CPQ: variants seen among roughly 807,000 people sequenced by gnomAD.
The protein encoded by CPQ is carboxypeptidase Q, also known as Ser-Met dipeptidase.
A neutral mutation model predicts 45.7 loss-of-function variants in CPQ; 37 were observed. The observed-to-expected ratio is 0.81, with a 90% CI of 0.62 to 1.07. CPQ has a LOEUF of 1.07. Among genes scored for constraint, CPQ ranks in the 50% least tolerant of loss-of-function variants. CPQ has a pLI of 0.00. For synonymous variants in CPQ, 186 were observed against 205.8 expected (o/e 0.90, Z 0.82); for missense variants, 537 against 572.9 (o/e 0.94, Z 0.64).
chr8:96,752,943 A>G (rs1373269846), intron 1 of CPQ, among the ~76,000 whole-genome samples: 1 of 152,082 alleles, frequency 6.6e-6, no homozygotes, highest in African/African-American at 2.4e-5. Context: ...TCATTCCACC[A>G]TTTTATTCTG....
chr8:96,912,219 T>G (rs141839463), intron 4 of CPQ, among the ~76,000 whole-genome samples: 288 of 152,322 alleles, frequency 1.9e-3, no homozygotes, highest in African/African-American at 6.6e-3. Context: ...TGAAAGAGAT[T>G]AGAAATGTTA....
At chr8:96,695,683 T>C (rs978153081) in intron 1 of CPQ, among the ~76,000 whole-genome samples, 18 of 151,598 alleles carry the variant, frequency 1.2e-4, no homozygotes, top group African/African-American at 4.1e-4. Context: ...AAAAAACACA[T>C]GAAAAAATGC....
intron 1 of CPQ, among the ~76,000 whole-genome samples, chr8:96,783,095 C>T (rs74421902): frequency 0.09 from 13,680 of 152,208 alleles, 832 homozygotes; most frequent in African/African-American, 0.17. Context: ...CTTTCCAGAA[C>T]TTCCCTTAAT....
intron 4 of CPQ, among the ~76,000 whole-genome samples, chr8:96,897,899 A>G (rs1197098372): frequency 6.6e-6 from 1 of 152,196 alleles, no homozygotes; most frequent in African/African-American, 2.4e-5. Context: ...TTTGCATACC[A>G]TGCCGAAGAA....
chr8:96,672,905 T>C (rs1809026317), intron 1 of CPQ, among the ~76,000 whole-genome samples: 1 of 152,114 alleles, frequency 6.6e-6, no homozygotes, highest in South Asian at 2.1e-4. Context: ...ATATAGTGTT[T>C]AATGGTGAGG....
intron 7 of CPQ, among the ~76,000 whole-genome samples, chr8:97,130,420 G>GTTTT (rs67911510): frequency 8.0e-6 from 1 of 125,342 alleles, no homozygotes; most frequent in Non-Finnish European, 1.7e-5. Context: ...ATCGTCAGCT[G>GTTTT]TTTTTTTTTT....
At position 96,966,071 on chromosome 8, in the gene CPQ, T is replaced by C. The variant is rs1277384480; in HGVS notation, c.961+25T>C. 2.7e-6 allele frequency: 4 copies of C among 1,508,820 alleles called. No homozygotes were observed. In the African/African-American group the frequency reaches 4.1e-5, roughly 16 times the overall value. The allele number at this position is 1,508,820 out of a possible 1,614,324, so 93.5% of individuals were successfully genotyped here. On this transcript the variant is annotated intron_variant, in intron 5 of 7. Coordinates refer to ENST00000220763, the MANE Select transcript of CPQ (RefSeq NM_016134.4). ...GGTAAATATTTAGAAAATTGTTAAC[T>C]AATGTGTGAGGATCTCAGTGACATG...
intron 2 of CPQ, among the ~76,000 whole-genome samples, chr8:96,826,482 T>C (rs1811379931): frequency 6.6e-6 from 1 of 152,002 alleles, no homozygotes; most frequent in African/African-American, 2.4e-5. Flanking sequence ...TATATATATA[T>C]ACATATATCT....
At chr8:96,953,574 A>G (rs1008230773) in intron 4 of CPQ, among the ~76,000 whole-genome samples, 25 of 151,996 alleles carry the variant, frequency 1.6e-4, no homozygotes, top group African/African-American at 5.8e-4. Context: ...TTCTTTTCTG[A>G]CCACTGTCTC....
intron 7 of CPQ, among the ~76,000 whole-genome samples, chr8:97,085,644 A>ATAGT (rs1811028581): frequency 6.6e-6 from 1 of 152,194 alleles, no homozygotes; most frequent in African/African-American, 2.4e-5. Flanking sequence ...ATGCATGACC[A>ATAGT]TAGTAACATT....
chr8:96,904,859 C>G (rs1036594849), intron 4 of CPQ, among the ~76,000 whole-genome samples: 1 of 152,274 alleles, frequency 6.6e-6, no homozygotes, highest in South Asian at 2.1e-4. Flanking sequence ...AGAATCTGAA[C>G]AGCCCCTCTT....
At chr8:97,101,603 A>C (rs1166797914) in intron 7 of CPQ, among the ~76,000 whole-genome samples, 2 of 132,898 alleles carry the variant, frequency 1.5e-5, no homozygotes, top group Non-Finnish European at 3.2e-5. Flanking sequence ...CCTTTTGACC[A>C]GGAAAAGGAA....
At chr8:97,101,572 C>CTTTTTTTTTTTTTT (rs5893410) in intron 7 of CPQ, among the ~76,000 whole-genome samples, 5 of 114,210 alleles carry the variant, frequency 4.4e-5, no homozygotes, top group South Asian at 2.9e-4. Context: ...TTTCTTTTTT[C>CTTTTTTTTTTTTTT]TTTTTTTTTT....
rs543749418 is a variant in CPQ, at chr8:96,744,630, G to T, written c.-34-40234G>T. 5.3e-5 allele frequency among the ~76,000 whole-genome samples: 8 copies of T among 152,058 alleles called. No individual in the cohort carries two copies. In the South Asian group the frequency reaches 8.3e-4, roughly 16 times the overall value. On this transcript the variant is annotated intron_variant, in intron 1 of 7. Transcript: ENST00000220763. ...GTCTCATACTAATAAAACTGTACCAGTTTTTAAATTAGTGTTTTCTTGATT... is the reference window on the plus strand; with the variant it reads ...GTCTCATACTAATAAAACTGTACCATTTTTTAAATTAGTGTTTTCTTGATT...
rs114306534 is a variant in CPQ at position 96,878,639 on chromosome 8, A to G, written c.642-1159A>G. Among the ~76,000 whole-genome samples, 196 of 152,332 alleles carry G rather than the reference A, an allele frequency of 1.3e-3. 1 individual carries two copies. Among genetic ancestry groups the G allele is most frequent in the African/African-American group, 4.5e-3 (189 of 41,582 alleles). ...CTCTAAGTAAATAGTCACCTGAAAT[A>G]TGGCTACAACAATACAGTCACACCA... On this transcript the variant is annotated intron_variant, in intron 3 of 7. Coordinates refer to ENST00000220763, the MANE Select transcript of CPQ (RefSeq NM_016134.4).
chr8:97,139,971 C>A, intron 7 of CPQ, among the ~76,000 whole-genome samples: 1 of 150,836 alleles, frequency 6.6e-6, no homozygotes, highest in South Asian at 2.1e-4. Flanking sequence ...TTTTCTTTTT[C>A]TTCAAATTAT....
chr8:96,768,027 C>T (rs1810491868), intron 1 of CPQ, among the ~76,000 whole-genome samples: 1 of 152,086 alleles, frequency 6.6e-6, no homozygotes, highest in Non-Finnish European at 1.5e-5. Context: ...ATTCCATACT[C>T]CAAATTTGTC....
At chr8:97,127,765 AAAAC>A (rs1430724913) in intron 7 of CPQ, among the ~76,000 whole-genome samples, 15 of 152,254 alleles carry the variant, frequency 9.9e-5, no homozygotes, top group African/African-American at 9.6e-5. Context: ...TAAAATGTCC[AAAAC>A]AAACAAACTA....
At chr8:96,867,680 A>G (rs1812013037) in intron 3 of CPQ, among the ~76,000 whole-genome samples, 1 of 151,962 alleles carries the variant, frequency 6.6e-6, no homozygotes, top group Admixed American at 6.6e-5. Flanking sequence ...TAATTAATCA[A>G]TTTGCATAAA....
Sources: allele counts gnomAD v4.1 joint callset (sites outside exome capture counted in the v4.1 genomes callset), GRCh38; gene constraint gnomAD v4.1.1; transcripts MANE v1.5; gene names NCBI Gene and HGNC (gene_info 2026-07-23, HGNC 2026-07-21).